Variants in CDC45 observed in about 807,000 individuals in gnomAD.
CDC45 encodes the protein cell division cycle 45.
In CDC45, 54 loss-of-function variants were observed where a neutral mutation model predicts 77.8. The observed-to-expected ratio is 0.69, with a 90% confidence interval of 0.56 to 0.87. The LOEUF is 0.87. Ranked by LOEUF, CDC45 falls within the 40% of genes least tolerant of loss-of-function variation. CDC45 has a pLI of 0.00. For synonymous variants in CDC45, 260 were observed against 272.1 expected (o/e 0.96, Z 0.44); for missense variants, 649 against 721.6 (o/e 0.90, Z 1.15).
chr22:19,490,373 A>C (rs941733228), intron 5 of CDC45, among the ~76,000 whole-genome samples: 2 of 147,720 alleles, frequency 1.4e-5, no homozygotes, highest in East Asian at 2.0e-4. Context: ...GTTCTTTGTT[A>C]TTTGTATTTT....
At chr22:19,481,122 A>T in intron 3 of CDC45, 77 bp downstream of exon 3, 4 of 930,146 alleles carry the variant, frequency 4.3e-6, no homozygotes, top group Non-Finnish European at 7.0e-6. Context: ...TATTTCCACG[A>T]TAGATTAAGC....
chr22:19,495,717 G>C (rs2090230042), intron 6 of CDC45, among the ~76,000 whole-genome samples: 1 of 152,158 alleles, frequency 6.6e-6, no homozygotes, highest in Non-Finnish European at 1.5e-5. Flanking sequence ...ATCTACTTAG[G>C]AGGCTGAGTT....
chr22:19,500,966 C>A (rs775616628), intron 9 of CDC45, among the ~76,000 whole-genome samples: 8 of 152,104 alleles, frequency 5.3e-5, no homozygotes, highest in Non-Finnish European at 8.8e-5. Flanking sequence ...CACCTGAGGT[C>A]AGGAGTTCGA....
At chr22:19,508,281 G>A (rs141823101) in intron 12 of CDC45, among the ~76,000 whole-genome samples, 74 of 152,280 alleles carry the variant, frequency 4.9e-4, no homozygotes, top group African/African-American at 1.7e-3. Flanking sequence ...GGCATGCTAA[G>A]GTGTGAGAGA....
intron 18 of CDC45, among the ~76,000 whole-genome samples, chr22:19,519,440 T>G (rs1401085129): frequency 1.3e-5 from 2 of 152,248 alleles, no homozygotes; most frequent in African/African-American, 4.8e-5. Flanking sequence ...TGGGATTCAC[T>G]GGCAGGTCAC....
chr22:19,490,019 T>G (rs2090130593), intron 5 of CDC45, among the ~76,000 whole-genome samples: 1 of 152,252 alleles, frequency 6.6e-6, no homozygotes, highest in African/African-American at 2.4e-5. Context: ...TTTTATTCAC[T>G]TAGTGTCCCA....
rs550254398 is a variant in CDC45 at position 19,479,940 on chromosome 22, C to T, written c.-29C>T. The T allele has an allele frequency of 1.7e-5, 27 of 1,611,966 alleles. No homozygotes were observed. In the South Asian group the frequency reaches 1.9e-4, roughly 11 times the overall value. ...CCGCCGGGCTCTTGGTACCTCAGCGCGAGCGCCAGGCGTCCGGCCGCCGTG... is the reference window on the plus strand; with the variant it reads ...CCGCCGGGCTCTTGGTACCTCAGCGTGAGCGCCAGGCGTCCGGCCGCCGTG... On this transcript the variant is annotated 5_prime_UTR_variant, in exon 1 of 19. Transcript: ENST00000263201.
intron 4 of CDC45, among the ~76,000 whole-genome samples, chr22:19,483,319 C>G (rs1290581270): frequency 6.6e-6 from 1 of 152,126 alleles, no homozygotes; most frequent in Non-Finnish European, 1.5e-5. Flanking sequence ...GTAGTCCCAG[C>G]TACTCAGGAG....
intron 6 of CDC45, 69 bp from the exon 7 acceptor site, chr22:19,495,912 T>G: frequency 3.8e-6 from 4 of 1,047,458 alleles, no homozygotes; most frequent in Non-Finnish European, 6.0e-6. Context: ...AAGTTTAGCA[T>G]TTTTCCAAAA....
chr22:19,498,233 G>A, intron 8 of CDC45, among the ~76,000 whole-genome samples: 1 of 152,222 alleles, frequency 6.6e-6, no homozygotes, highest in East Asian at 1.9e-4. Context: ...GGAGGCTGAG[G>A]TAGGAAGATT....
intron 7 of CDC45, among the ~76,000 whole-genome samples, chr22:19,496,305 G>A (rs941908878): frequency 6.6e-6 from 1 of 152,142 alleles, no homozygotes; most frequent in Non-Finnish European, 1.5e-5. Context: ...GTTTATTTTT[G>A]TTCATCAAAA....
At chr22:19,481,125 G>C (rs1303133151) in intron 3 of CDC45, 80 bp downstream of exon 3, 4 of 902,068 alleles carry the variant, frequency 4.4e-6, no homozygotes, top group Non-Finnish European at 7.3e-6. Flanking sequence ...TTCCACGATA[G>C]ATTAAGCGTG....
Position 19,516,905 on chromosome 22 carries a change from C to T in CDC45, c.1636+12C>T. 1.9e-6 allele frequency: 3 copies of T among 1,603,286 alleles called. No homozygotes were observed. Among genetic ancestry groups the T allele is most frequent in the African/African-American group, 1.3e-5 (1 of 74,796 alleles). On this transcript the variant is annotated intron_variant, in intron 17 of 18. Transcript: ENST00000263201. ...TTTTGACCTCTCAGGTGAGAGTCTC[C>T]TGCCACTCTGCCACACTTTCCCACC...
Position 19,483,973 on chromosome 22 carries a change from G to C in CDC45, c.454G>C (p.Glu152Gln), listed in dbSNP as rs1362818123. 4 of 1,611,478 alleles carry C rather than the reference G, an allele frequency of 2.5e-6. No individual in the cohort carries two copies. Among genetic ancestry groups the C allele is most frequent in the African/African-American group, 1.3e-5 (1 of 74,710 alleles). Residue 152 changes from glutamate to glutamine, a missense_variant, in exon 5 of 19, where the codon GAG (glutamate) becomes CAG (glutamine). By Grantham distance (29) the Glu-to-Gln change is conservative (BLOSUM62 2). Transcript: ENST00000263201. ...TTCAGGAAATGACAGTGATGGGTCA[G>C]AGCCTTCTGAGAAGCGCACACGGTT... is the stretch of plus-strand genomic sequence containing the variant. The part of the protein sequence containing the change: ...EHSGNDSDGS[E>Q]PSEKRTRLEE...
Position 19,507,458 on chromosome 22 carries a change from G to A in CDC45, c.897G>A (p.Arg299=), listed in dbSNP as rs1249245314. 3 of 1,614,054 alleles carry A rather than the reference G, an allele frequency of 1.9e-6. No individual in the cohort carries two copies. The highest frequency in any genetic ancestry group is 2.7e-5 in the African/African-American group (2 of 74,930). The change falls in exon 11 of 19, where the codon AGG becomes AGA. Residue 299 remains arginine, a synonymous_variant. Transcript: ENST00000263201. ...SLCNTSYTAA[R]FKLWSVHGQK... is the part of the protein sequence containing the mutation. ...GCAACACCAGCTATACCGCAGCCAG[G>A]TTCAAGCTGTGGTCTGTGCATGGAC...
chr22:19,490,366 C>CT (rs1601935534), intron 5 of CDC45, among the ~76,000 whole-genome samples: 1 of 150,988 alleles, frequency 6.6e-6, no homozygotes, highest in Non-Finnish European at 1.5e-5. Flanking sequence ...TTTTCTTGTT[C>CT]TTTGTTATTT....
chr22:19,490,993 A>T (rs2146355950), intron 5 of CDC45, among the ~76,000 whole-genome samples: 1 of 151,426 alleles, frequency 6.6e-6, no homozygotes, highest in South Asian at 2.1e-4. Context: ...ATGCCCGGCT[A>T]ATTTTTGTAT....
At chr22:19,479,632 A>C (rs1009312818), upstream of CDC45, 24 of 650,040 alleles carry the variant, frequency 3.7e-5, no homozygotes, top group African/African-American at 3.9e-4. Flanking sequence ...TCCCAGTGGG[A>C]GGCAGTAGGC....
intron 9 of CDC45, among the ~76,000 whole-genome samples, chr22:19,503,329 A>G (rs1330979554): frequency 1.3e-5 from 2 of 152,100 alleles, no homozygotes; most frequent in East Asian, 1.9e-4. Flanking sequence ...AACCAAATCA[A>G]TATTTCTCAT....
Sources: gnomAD v4.1 joint callset for allele counts (sites outside exome capture counted in the v4.1 genomes callset) on GRCh38, gnomAD v4.1.1 for gene constraint, MANE v1.5 for transcripts, NCBI Gene and HGNC (gene_info 2026-07-23, HGNC 2026-07-21) for gene names.